DNAJC24: variants seen among roughly 807,000 people sequenced by gnomAD.
The protein encoded by DNAJC24 is DnaJ heat shock protein family (Hsp40) member C24, also known as dnaJ homolog subfamily C member 24.
In DNAJC24, 17 loss-of-function variants were observed where a neutral mutation model predicts 18.0. That is an observed-to-expected ratio of 0.94 (90% CI 0.65 to 1.42). DNAJC24 has a LOEUF of 1.42. DNAJC24 is among the 40% of genes most tolerant of loss of function. The probability of loss-of-function intolerance (pLI) is 0.00; values close to 1 mark genes in which losing one functional copy is unlikely to be tolerated. For missense variants in DNAJC24, 158 were observed against 175.6 expected, an observed-to-expected ratio of 0.90 and a Z score of 0.57; for synonymous variants, 55 against 57.7, an observed-to-expected ratio of 0.95 and a Z score of 0.21.
chr11:31,406,817 G>T (rs1159800398), intron 2 of DNAJC24, among the ~76,000 whole-genome samples: 4 of 152,116 alleles, frequency 2.6e-5, no homozygotes, highest in Non-Finnish European at 5.9e-5. Context: ...TATAGATTTG[G>T]CAGTTCATGG....
intron 2 of DNAJC24, among the ~76,000 whole-genome samples, chr11:31,393,186 C>T (rs1263740488): frequency 6.6e-6 from 1 of 152,202 alleles, no homozygotes; most frequent in African/African-American, 2.4e-5. Context: ...GCTTCTCTTT[C>T]TACCCCTAAC....
intron 2 of DNAJC24, among the ~76,000 whole-genome samples, chr11:31,389,145 G>C (rs1952461494): frequency 6.6e-6 from 1 of 151,986 alleles, no homozygotes; most frequent in Non-Finnish European, 1.5e-5. Flanking sequence ...AATGGCAGGA[G>C]TAAGTCCTTA....
chr11:31,425,747 A>G (rs1952854888), intron 3 of DNAJC24, among the ~76,000 whole-genome samples: 1 of 152,290 alleles, frequency 6.6e-6, no homozygotes. Flanking sequence ...GCTTCAACAT[A>G]TTAATTTGAG....
At chr11:31,373,597 A>C (rs939764197) in intron 2 of DNAJC24, among the ~76,000 whole-genome samples, 1 of 135,200 alleles carries the variant, frequency 7.4e-6, no homozygotes, top group Non-Finnish European at 1.7e-5. Flanking sequence ...TTATATTTCC[A>C]CAGAAATTTT....
At chr11:31,396,410 A>G (rs562246453) in intron 2 of DNAJC24, 1 of 368,812 alleles carries the variant, frequency 2.7e-6, no homozygotes, top group Non-Finnish European at 5.3e-6. Flanking sequence ...TTAGCCCCTC[A>G]ATTATATGCA....
At chr11:31,391,319 T>G (rs909217395) in intron 2 of DNAJC24, among the ~76,000 whole-genome samples, 6 of 152,224 alleles carry the variant, frequency 3.9e-5, no homozygotes, top group African/African-American at 1.4e-4. Flanking sequence ...CTGTCATTAC[T>G]GTTATTAAGC....
chr11:31,426,245 T>A, intron 3 of DNAJC24, 42 bp from the exon 4 acceptor site: 1 of 1,244,062 alleles, frequency 8.0e-7, no homozygotes, highest in South Asian at 1.3e-5. Flanking sequence ...ACAATTAAAG[T>A]ATCATGTTTT....
chr11:31,388,112 G>C (rs1952448572), intron 2 of DNAJC24, among the ~76,000 whole-genome samples: 1 of 152,110 alleles, frequency 6.6e-6, no homozygotes, highest in African/African-American at 2.4e-5. Context: ...ATGCCTACAA[G>C]ACCTAGAAAA....
chr11:31,418,474 A>T (rs891386541), intron 3 of DNAJC24, among the ~76,000 whole-genome samples: 4 of 152,084 alleles, frequency 2.6e-5, no homozygotes, highest in Non-Finnish European at 5.9e-5. Flanking sequence ...CAGATCTCTG[A>T]TGTCTTAGTG....
intron 3 of DNAJC24, chr11:31,416,750 A>G (rs1025583721): frequency 6.6e-6 from 1 of 152,162 alleles, no homozygotes; most frequent in African/African-American, 2.4e-5. Context: ...GCCAGAAACC[A>G]AAAGAAATAG....
intron 3 of DNAJC24, chr11:31,422,153 A>T (rs1952812253): frequency 8.8e-6 from 2 of 227,696 alleles, no homozygotes; most frequent in Non-Finnish European, 1.8e-5. Flanking sequence ...ACATTATTTG[A>T]TTTTAACATT....
intron 2 of DNAJC24, among the ~76,000 whole-genome samples, chr11:31,414,426 G>A (rs1371386511): frequency 1.3e-5 from 2 of 152,206 alleles, no homozygotes; most frequent in Non-Finnish European, 2.9e-5. Context: ...GGCACATTGT[G>A]TAAGGAAAGC....
intron 3 of DNAJC24, among the ~76,000 whole-genome samples, chr11:31,423,094 TATTTG>T (rs1386331910): frequency 6.6e-6 from 1 of 152,214 alleles, no homozygotes; most frequent in African/African-American, 2.4e-5. Context: ...TTTCTCCTTT[TATTTG>T]CTTATTTCTA....
At chr11:31,404,976 T>G (rs923066660) in intron 2 of DNAJC24, among the ~76,000 whole-genome samples, 1 of 152,100 alleles carries the variant, frequency 6.6e-6, no homozygotes, top group Non-Finnish European at 1.5e-5. Context: ...CTTATTCCCT[T>G]TTTGGTAGTA....
intron 4 of DNAJC24, chr11:31,427,435 C>T (rs1053885334): frequency 7.9e-5 from 12 of 151,454 alleles, no homozygotes; most frequent in East Asian, 1.9e-4. Context: ...AGAGTAAACA[C>T]GAAGAAATAC....
At chr11:31,383,380 C>T (rs1952397423) in intron 2 of DNAJC24, among the ~76,000 whole-genome samples, 1 of 152,132 alleles carries the variant, frequency 6.6e-6, no homozygotes, top group Non-Finnish European at 1.5e-5. Flanking sequence ...AGATACTCTT[C>T]ACTCTAGAGA....
chr11:31,413,081 A>G (rs1382529226), intron 2 of DNAJC24, among the ~76,000 whole-genome samples: 1 of 152,082 alleles, frequency 6.6e-6, no homozygotes, highest in African/African-American at 2.4e-5. Flanking sequence ...TGTGCTCCTG[A>G]TAATGTCTAT....
Position 31,374,092 on chromosome 11 carries a change from C to T in DNAJC24, c.111+3233C>T, listed in dbSNP as rs1432960337. The T allele has an allele frequency of 7.7e-6, 3 of 387,322 alleles. 1 individual carries two copies. The Admixed American group carries it at 7.9e-5, about 10-fold the overall frequency. 24.0% of individuals were successfully genotyped at this position (387,322 alleles called of 1,614,324 possible). A position where few individuals can be genotyped will look rare whatever the true frequency, so the allele number is the denominator to read the frequency against. On this transcript the variant is annotated intron_variant, in intron 2 of 4. Coordinates refer to ENST00000465995, the MANE Select transcript of DNAJC24 (RefSeq NM_181706.5). ...ATCTGTATGTCTTGTATTTCCTTTT[C>T]TTACGTTAAGGCACTAGCTGGTTGC...
At chr11:31,394,191 C>A (rs541850798) in intron 2 of DNAJC24, among the ~76,000 whole-genome samples, 2 of 152,058 alleles carry the variant, frequency 1.3e-5, no homozygotes, top group African/African-American at 4.8e-5. Context: ...CCATTTGAAA[C>A]GGCAAAATTG....
Sources: gnomAD v4.1 joint callset for allele counts (sites outside exome capture counted in the v4.1 genomes callset) on GRCh38, gnomAD v4.1.1 for gene constraint, MANE v1.5 for transcripts, NCBI Gene and HGNC (gene_info 2026-07-23, HGNC 2026-07-21) for gene names.